EGFLAM: variants seen among roughly 807,000 people sequenced by gnomAD.
EGFLAM encodes EGF like, fibronectin type III and laminin G domains.
Under a neutral mutation model 113.1 loss-of-function variants are expected in EGFLAM, and 79 were observed. The observed-to-expected ratio is 0.70, with a 90% CI of 0.58 to 0.84. The LOEUF (loss-of-function observed/expected upper bound fraction) is 0.84. Ranked by LOEUF, EGFLAM falls within the 40% of genes least tolerant of loss-of-function variation. The pLI, the probability that EGFLAM is intolerant of heterozygous loss-of-function variation, is 0.00. For missense variants in EGFLAM, 1,265 were observed against 1,291.6 expected (o/e 0.98, Z 0.32); for synonymous variants, 504 against 487.6 (o/e 1.03, Z -0.44).
At chr5:38,258,917 C>A in intron 1 of EGFLAM, 66 bp downstream of exon 1, 2 of 1,511,226 alleles carry the variant, frequency 1.3e-6, no homozygotes, top group Non-Finnish European at 1.8e-6. Context: ...GGGGCGAGGA[C>A]ACAGAGCGGG....
intron 6 of EGFLAM, chr5:38,401,086 T>C (rs1169964006): frequency 6.6e-6 from 1 of 152,186 alleles, no homozygotes; most frequent in African/African-American, 2.4e-5. Context: ...TTGAAAAATA[T>C]GTGCCTTATT....
At chr5:38,423,441 C>T (rs1009999016) in intron 12 of EGFLAM, among the ~76,000 whole-genome samples, 9 of 152,158 alleles carry the variant, frequency 5.9e-5, no homozygotes, top group Non-Finnish European at 1.2e-4. Context: ...CCCTCCCCTA[C>T]CCCCACCTCT....
intron 6 of EGFLAM, among the ~76,000 whole-genome samples, chr5:38,396,784 G>A (rs1305107285): frequency 1.3e-5 from 2 of 152,218 alleles, no homozygotes; most frequent in Non-Finnish European, 2.9e-5. Context: ...ATGGCCTTGG[G>A]TTTTCCTGCT....
At chr5:38,335,762 C>T (rs951125777) in intron 1 of EGFLAM, among the ~76,000 whole-genome samples, 10 of 152,120 alleles carry the variant, frequency 6.6e-5, no homozygotes, top group Non-Finnish European at 1.3e-4. Flanking sequence ...TCACTTGATC[C>T]ACTAGAAAAA....
chr5:38,307,138 A>C (rs1202644877), intron 1 of EGFLAM, among the ~76,000 whole-genome samples: 2 of 152,228 alleles, frequency 1.3e-5, no homozygotes, highest in African/African-American at 4.8e-5. Flanking sequence ...AAATAGAAGA[A>C]TTGTGAATAA....
intron 5 of EGFLAM, among the ~76,000 whole-genome samples, chr5:38,361,023 T>TC (rs1347419572): frequency 9.8e-6 from 1 of 101,628 alleles, no homozygotes; most frequent in African/African-American, 5.6e-5. Context: ...CCCAGCTAAT[T>TC]TTTTTTTTTT....
intron 1 of EGFLAM, among the ~76,000 whole-genome samples, chr5:38,278,202 A>G (rs182798701): frequency 2.0e-5 from 3 of 152,196 alleles, no homozygotes; most frequent in African/African-American, 7.2e-5. Context: ...CACATAGACC[A>G]GTGGAACAGA....
chr5:38,458,203 A>T (rs1036280868), intron 19 of EGFLAM, 108 bp from the exon 20 acceptor site: 2 of 927,216 alleles, frequency 2.2e-6, no homozygotes, highest in Admixed American at 5.5e-5. Flanking sequence ...AGGAAACTGC[A>T]CTCTGAGTTG....
intron 1 of EGFLAM, among the ~76,000 whole-genome samples, chr5:38,260,549 G>A (rs1015229504): frequency 2.0e-5 from 3 of 152,132 alleles, no homozygotes; most frequent in Admixed American, 1.3e-4. Context: ...TGCCATGCTG[G>A]CCTCTTTGGT....
chr5:38,351,835 T>C (rs1023168303), intron 4 of EGFLAM, among the ~76,000 whole-genome samples: 1 of 152,076 alleles, frequency 6.6e-6, no homozygotes, highest in Non-Finnish European at 1.5e-5. Flanking sequence ...TGGAATGCTA[T>C]TAGGAGTTGA....
At chr5:38,397,813 T>TAAA (rs111277812) in intron 6 of EGFLAM, among the ~76,000 whole-genome samples, 1 of 152,102 alleles carries the variant, frequency 6.6e-6, no homozygotes, top group African/African-American at 2.4e-5. Flanking sequence ...AAAGGGGACT[T>TAAA]AAAAATCCAG....
At chr5:38,395,917 C>T (rs893821056) in intron 6 of EGFLAM, among the ~76,000 whole-genome samples, 3 of 152,108 alleles carry the variant, frequency 2.0e-5, no homozygotes, top group Non-Finnish European at 4.4e-5. Flanking sequence ...GCTTTTCTAG[C>T]AGATCATCCC....
chr5:38,398,757 A>G (rs1176937503), intron 6 of EGFLAM, among the ~76,000 whole-genome samples: 1 of 152,250 alleles, frequency 6.6e-6, no homozygotes, highest in Non-Finnish European at 1.5e-5. Flanking sequence ...AAGGGACTCA[A>G]GTCACAGGTC....
At chr5:38,370,528 C>T in intron 6 of EGFLAM, 66 bp downstream of exon 6, 1 of 1,542,856 alleles carries the variant, frequency 6.5e-7, no homozygotes, top group Non-Finnish European at 8.8e-7. Context: ...CATGAAGACT[C>T]ACTTGACCTG....
intron 6 of EGFLAM, among the ~76,000 whole-genome samples, chr5:38,379,314 A>T (rs1034493776): frequency 2.0e-5 from 3 of 152,088 alleles, no homozygotes; most frequent in African/African-American, 7.2e-5. Context: ...GCATCCAAGG[A>T]AAAAAAGTGA....
At chr5:38,387,690 C>T (rs1250977768) in intron 6 of EGFLAM, among the ~76,000 whole-genome samples, 3 of 152,266 alleles carry the variant, frequency 2.0e-5, no homozygotes, top group African/African-American at 7.2e-5. Flanking sequence ...GGTTCCTCCT[C>T]TTTCTTTGTC....
chr5:38,335,201 A>G (rs919784170), intron 1 of EGFLAM, among the ~76,000 whole-genome samples: 1 of 152,230 alleles, frequency 6.6e-6, no homozygotes, highest in Non-Finnish European at 1.5e-5. Context: ...AGTAGTAAAA[A>G]TGAAAATGTA....
rs1741708645 is a variant in EGFLAM at position 38,418,057 on chromosome 5, T to G, written c.1495-9T>G. 6.2e-7 allele frequency: 1 copy of G among 1,606,400 alleles called. No individual in the cohort carries two copies. The highest frequency in any genetic ancestry group is 1.7e-5 in the Admixed American group (1 of 59,020). On this transcript the variant is annotated splice_polypyrimidine_tract_variant and intron_variant, in intron 11 of 21. Transcript: ENST00000322350. ...TGAGAGTATTCATGAGTGGTCATCT[T>G]TCTTAAAGGGCCAATACAGTAAAAT... is the stretch of plus-strand genomic sequence containing the variant.
intron 6 of EGFLAM, among the ~76,000 whole-genome samples, chr5:38,388,609 A>ATATAT (rs1561062317): frequency 1.5e-4 from 23 of 151,642 alleles, no homozygotes; most frequent in African/African-American, 5.6e-4. Context: ...TGTATATATA[A>ATATAT]ATTAGCCCGG....
Sources: gnomAD v4.1 joint callset for allele counts (sites outside exome capture counted in the v4.1 genomes callset) on GRCh38, gnomAD v4.1.1 for gene constraint, MANE v1.5 for transcripts, NCBI Gene and HGNC (gene_info 2026-07-23, HGNC 2026-07-21) for gene names.